FBXL17: variants seen among roughly 807,000 people sequenced by gnomAD.
The protein encoded by FBXL17 is F-box/LRR-repeat protein 17.
Under a neutral mutation model 66.2 loss-of-function variants are expected in FBXL17, and 22 were observed. That is an observed-to-expected ratio of 0.33 (90% confidence interval 0.24 to 0.47). FBXL17 has a LOEUF of 0.47. Among genes scored for constraint, FBXL17 ranks in the 20% least tolerant of loss-of-function variants. FBXL17 has a pLI of 1.00. For missense variants in FBXL17, 878 were observed against 948.2 expected (o/e 0.93, Z 0.97); for synonymous variants, 474 against 400.5 (o/e 1.18, Z -2.19).
chr5:108,225,797 C>A (rs1755076039), intron 4 of FBXL17, among the ~76,000 whole-genome samples: 1 of 152,328 alleles, frequency 6.6e-6, no homozygotes, highest in Non-Finnish European at 1.5e-5. Flanking sequence ...CCCTCTCATT[C>A]ATTGTCACTA....
At position 108,380,853 on chromosome 5, in the gene FBXL17, C is replaced by T; in HGVS notation, c.839G>A (p.Arg280Gln). ...GGACAAGGGGGCGGTGCCCCCGGCTCGGACAGCGTCCCCGCCAGCTTCGGT... is the reference window on the plus strand; with the variant it reads ...GGACAAGGGGGCGGTGCCCCCGGCTTGGACAGCGTCCCCGCCAGCTTCGGT... Reference protein sequence around the residue: ...APTEAGGDAVRAGGTAPLSAQ... With the variant: ...APTEAGGDAVQAGGTAPLSAQ... Residue 280 changes from arginine to glutamine, a missense_variant, in exon 1 of 9, where the codon CGA becomes CAA. Arg to Gln is a conservative substitution (Grantham distance 43). Around this residue, in one of 4 missense-constraint regions of FBXL17, gnomAD observed 605 missense variants for 509.5 expected, o/e 1.19. Transcript: ENST00000542267. 1.6e-6 allele frequency: 2 copies of T among 1,246,162 alleles called. No homozygotes were observed. The highest frequency in any genetic ancestry group is 3.1e-5 in the African/African-American group (2 of 64,570). The allele number at this position is 1,246,162 out of a possible 1,614,324, so 77.2% of individuals were successfully genotyped here.
intron 7 of FBXL17, among the ~76,000 whole-genome samples, chr5:107,977,915 G>A (rs1204180564): frequency 6.6e-6 from 1 of 152,170 alleles, no homozygotes; most frequent in African/African-American, 2.4e-5. Flanking sequence ...CAGCTCTCTG[G>A]GCAGATGTAG....
intron 6 of FBXL17, among the ~76,000 whole-genome samples, chr5:108,058,198 C>G (rs921032936): frequency 1.3e-5 from 2 of 152,146 alleles, no homozygotes; most frequent in African/African-American, 4.8e-5. Context: ...TACCATTTGA[C>G]CATCTCTGTT....
At chr5:107,973,516 T>A (rs1163474611) in intron 7 of FBXL17, among the ~76,000 whole-genome samples, 1 of 152,040 alleles carries the variant, frequency 6.6e-6, no homozygotes, top group Non-Finnish European at 1.5e-5. Flanking sequence ...CTGTCATACC[T>A]GCGCTCAGAA....
At chr5:108,184,025 G>C (rs543124337) in intron 6 of FBXL17, among the ~76,000 whole-genome samples, 1 of 152,132 alleles carries the variant, frequency 6.6e-6, no homozygotes, top group African/African-American at 2.4e-5. Flanking sequence ...CACATAAAGA[G>C]TAATTCAGGG....
In FBXL17 at chr5:108,138,368, ACTCT is replaced by A. The variant is rs560159697; in HGVS notation, c.1745+47745_1745+47748del. On this transcript the variant is annotated intron_variant, in intron 6 of 8. Coordinates refer to ENST00000542267, the MANE Select transcript of FBXL17 (RefSeq NM_001163315.3). The stretch of plus-strand genomic sequence containing the variant: ...AGAATTTAAGCATGGAGAATTTAAA[ACTCT>A]CTCTCTTTTTGCTTATCAATAACGT... 3.0e-3 allele frequency among the ~76,000 whole-genome samples: 461 copies of A among 151,936 alleles called. 4 individuals are homozygous for A. Among genetic ancestry groups the A allele is most frequent in the African/African-American group, 0.01 (435 of 41,458 alleles).
At chr5:108,370,771 C>A (rs1748981449) in intron 1 of FBXL17, among the ~76,000 whole-genome samples, 1 of 151,576 alleles carries the variant, frequency 6.6e-6, no homozygotes, top group African/African-American at 2.4e-5. Context: ...TCATGAAAGT[C>A]ACTAGCGAAT....
chr5:108,246,932 ACTTACCTAATAT>A (rs1756125986), intron 4 of FBXL17, among the ~76,000 whole-genome samples: 1 of 152,200 alleles, frequency 6.6e-6, no homozygotes. Context: ...GGTAATTTGT[ACTTACCTAATAT>A]TGTGGAATTC....
chr5:107,946,455 A>AATTATTATTATT (rs143145847), intron 7 of FBXL17, among the ~76,000 whole-genome samples: 3,047 of 140,272 alleles, frequency 0.022, 55 homozygotes, highest in Non-Finnish European at 0.034. Flanking sequence ...CACACCTGCC[A>AATTATTATTATT]ATTATTATTA....
intron 6 of FBXL17, among the ~76,000 whole-genome samples, chr5:108,132,044 T>G (rs1362782786): frequency 1.3e-5 from 2 of 151,814 alleles, no homozygotes; most frequent in African/African-American, 4.8e-5. Flanking sequence ...TGGCATGATC[T>G]CGGTTCATCG....
In FBXL17 at chr5:108,161,058, G is replaced by T. The variant is rs576350672; in HGVS notation, c.1745+25059C>A. Among the ~76,000 whole-genome samples, 42 of 152,244 alleles carry T rather than the reference G, an allele frequency of 2.8e-4. 1 individual carries two copies. The South Asian group carries it at 7.7e-3, about 28-fold the overall frequency. On this transcript the variant is annotated intron_variant, in intron 6 of 8. Coordinates refer to ENST00000542267, the MANE Select transcript of FBXL17 (RefSeq NM_001163315.3). ...TTCCTGGAGGAGAGGTAGGGGAAGA[G>T]AATTTATTTTTCAACATCCAAGATT... is the stretch of plus-strand genomic sequence containing the variant.
intron 6 of FBXL17, among the ~76,000 whole-genome samples, chr5:108,179,260 A>G (rs545441488): frequency 6.6e-6 from 1 of 152,334 alleles, no homozygotes; most frequent in South Asian, 2.1e-4. Context: ...AATTTGAAAG[A>G]AGAAACAGAA....
chr5:108,225,063 G>T (rs1315394798), intron 4 of FBXL17, among the ~76,000 whole-genome samples: 1 of 151,882 alleles, frequency 6.6e-6, no homozygotes, highest in African/African-American at 2.4e-5. Flanking sequence ...ACCCCCCAAA[G>T]ACCCCATGCC....
intron 4 of FBXL17, among the ~76,000 whole-genome samples, chr5:108,283,721 G>C (rs1757789909): frequency 6.6e-6 from 1 of 151,194 alleles, no homozygotes; most frequent in African/African-American, 2.4e-5. Flanking sequence ...TGGCAAAAGG[G>C]GTAATAAACA....
At chr5:108,346,005 G>A (rs1388269073) in intron 4 of FBXL17, among the ~76,000 whole-genome samples, 1 of 152,068 alleles carries the variant, frequency 6.6e-6, no homozygotes, top group African/African-American at 2.4e-5. Flanking sequence ...CATTCTTTCT[G>A]ACAGTGTTCT....
intron 6 of FBXL17, among the ~76,000 whole-genome samples, chr5:108,044,755 A>C (rs1473511353): frequency 6.6e-6 from 1 of 152,172 alleles, no homozygotes; most frequent in Non-Finnish European, 1.5e-5. Context: ...CAGTGAAACT[A>C]TGTGGACCTG....
chr5:108,046,921 T>A (rs1048580396), intron 6 of FBXL17, among the ~76,000 whole-genome samples: 1 of 152,244 alleles, frequency 6.6e-6, no homozygotes, highest in Admixed American at 6.5e-5. Flanking sequence ...ATTATTTCCT[T>A]TCTGTTTAGA....
intron 4 of FBXL17, among the ~76,000 whole-genome samples, chr5:108,246,795 A>T (rs1240087356): frequency 6.6e-6 from 1 of 152,236 alleles, no homozygotes. Context: ...TTATATGTTA[A>T]TCTGGAGGAA....
intron 6 of FBXL17, among the ~76,000 whole-genome samples, chr5:108,175,546 CTTAAA>C (rs1279337038): frequency 3.3e-5 from 5 of 152,236 alleles, no homozygotes; most frequent in Admixed American, 2.0e-4. Flanking sequence ...TGTATACTGT[CTTAAA>C]TTAAATGTTT....
Sources: allele counts gnomAD v4.1 joint callset (sites outside exome capture counted in the v4.1 genomes callset), GRCh38; gene constraint gnomAD v4.1.1; regional missense constraint gnomAD v4.1.1; transcripts MANE v1.5; gene names NCBI Gene and HGNC (gene_info 2026-07-23, HGNC 2026-07-21).